Variants in OTUD3 observed in about 807,000 individuals in gnomAD.
The protein encoded by OTUD3 is OTU deubiquitinase 3, also known as OTU domain-containing protein 3.
OTUD3 carries 24 observed loss-of-function variants against 46.2 expected under a neutral mutation model. That is an observed-to-expected ratio of 0.52 (90% CI 0.38 to 0.73). The LOEUF is 0.73. OTUD3 is among the 30% of genes least tolerant of loss of function. The pLI is 0.00. For synonymous variants in OTUD3, 189 were observed against 195.4 expected, an observed-to-expected ratio of 0.97 and a Z score of 0.27; for missense variants, 455 against 523.3, an observed-to-expected ratio of 0.87 and a Z score of 1.27.
chr1:19,907,907 G>C lies in OTUD3; in HGVS notation c.*161G>C. ...TTTCGTTCAAGCTGCCTCTTTTTTT[G>C]TTCGAAGTTTTATTAGTGATATGTT... On this transcript the variant is annotated 3_prime_UTR_variant, in exon 8 of 8. Transcript: ENST00000375120. 1 of 566,772 alleles carries C rather than the reference G, an allele frequency of 1.8e-6. No individual in the cohort carries two copies. The highest frequency in any genetic ancestry group is 3.0e-6 in the Non-Finnish European group (1 of 333,192). The allele number at this position is 566,772 out of a possible 1,614,324, so 35.1% of individuals were successfully genotyped here. A position where few individuals can be genotyped will look rare whatever the true frequency, so the allele number is the denominator to read the frequency against.
Position 19,912,650 on chromosome 1 carries a change from C to CG in OTUD3, c.*4904_*4905insG, listed in dbSNP as rs1557685812. 8.5e-5 allele frequency: 13 copies of CG among 152,370 alleles called. No individual in the cohort carries two copies. Among genetic ancestry groups the CG allele is most frequent in the Non-Finnish European group, 1.5e-4 (10 of 68,050 alleles). 9.4% of individuals were successfully genotyped at this position (152,370 alleles called of 1,614,324 possible). A position where few individuals can be genotyped will look rare whatever the true frequency, so the allele number is the denominator to read the frequency against. ...CCTCCATGGGGTCGTGATCCATAGA[C>CG]TTAGCAAGTCTTGCCTTATCTATGG... is the stretch of plus-strand genomic sequence containing the variant. On this transcript the variant is annotated 3_prime_UTR_variant, in exon 8 of 8. Transcript: ENST00000375120.
Position 19,894,004 on chromosome 1 carries a change from A to G in OTUD3, c.371-364A>G, listed in dbSNP as rs551611120. Among the ~76,000 whole-genome samples the G allele has an allele frequency of 1.3e-4, 20 of 152,360 alleles. No individual in the cohort carries two copies. The South Asian group carries it at 3.9e-3, about 30-fold the overall frequency. On this transcript the variant is annotated intron_variant, in intron 2 of 7. Coordinates refer to ENST00000375120, the MANE Select transcript of OTUD3 (RefSeq NM_015207.2). ...ATGGTTTGTATAATAGTACTTGTCT[A>G]TGAGATGTGATTAGATCAGTGCTTG... is the stretch of plus-strand genomic sequence containing the variant.
rs915475852 is a variant in OTUD3, at chr1:19,906,580, T to C, written c.984T>C (p.Ser328=). Residue 328 remains serine, a synonymous_variant, in exon 7 of 8, where the codon AGT becomes AGC. Transcript: ENST00000375120. ...ACAATAAGGCACAGGCCAGCCCTAGTGAAGAAAACAAAGCAAATAAAAACC... is the reference window on the plus strand; with the variant it reads ...ACAATAAGGCACAGGCCAGCCCTAGCGAAGAAAACAAAGCAAATAAAAACC... ...TENNKAQASP[S]EENKANKNQL... is the part of the protein sequence containing the mutation. The C allele has an allele frequency of 6.2e-7, 1 of 1,612,914 alleles. No individual in the cohort carries two copies. Among genetic ancestry groups the C allele is most frequent in the Non-Finnish European group, 8.5e-7 (1 of 1,179,820 alleles).
chr1:19,903,340 C>T (rs1197746615), intron 4 of OTUD3, among the ~76,000 whole-genome samples: 1 of 152,128 alleles, frequency 6.6e-6, no homozygotes, highest in Non-Finnish European at 1.5e-5. Context: ...GTGTGAGCCA[C>T]TGCACCAGGC....
intron 1 of OTUD3, among the ~76,000 whole-genome samples, chr1:19,886,851 C>G (rs914115172): frequency 6.6e-6 from 1 of 152,184 alleles, no homozygotes; most frequent in African/African-American, 2.4e-5. Context: ...GATGCTGATG[C>G]TCCTAGTCCG....
At chr1:19,905,778 C>T (rs1349439843) in intron 6 of OTUD3, among the ~76,000 whole-genome samples, 1 of 152,108 alleles carries the variant, frequency 6.6e-6, no homozygotes. Context: ...TTATTAATTT[C>T]TCAAGTCATT....
Position 19,904,272 on chromosome 1 carries a change from G to C in OTUD3, c.612G>C (p.Gln204His). ...TTATTACTTGTTTCCTTTAGTTTCA[G>C]ATGCTTCATCAAGATGAATCAAATA... ...EAPAHLQTDF[Q>H]MLHQDESNKR... The change falls in exon 5 of 8, where the codon CAG (glutamine) becomes CAC (histidine). Residue 204 changes from glutamine to histidine, a missense_variant. Gln to His is a conservative substitution (Grantham distance 24). Transcript: ENST00000375120. 6.3e-7 allele frequency: 1 copy of C among 1,597,392 alleles called. No homozygotes were observed. Among genetic ancestry groups the C allele is most frequent in the South Asian group, 1.1e-5 (1 of 88,000 alleles).
In OTUD3 at chr1:19,908,990, C is replaced by T. The variant is rs968547298; in HGVS notation, c.*1244C>T. The T allele has an allele frequency of 5.2e-5, 8 of 152,450 alleles. No individual in the cohort carries two copies. Among genetic ancestry groups the T allele is most frequent in the Middle Eastern group, 3.4e-3 (1 of 294 alleles). The allele number at this position is 152,450 out of a possible 1,614,324, so 9.4% of individuals were successfully genotyped here. On this transcript the variant is annotated 3_prime_UTR_variant, in exon 8 of 8. Transcript: ENST00000375120. ...TAGACAGACTTGAGCAGTGGAGAGA[C>T]GTCTTTCCTAAAACTGAGTTAGGTG...
chr1:19,896,086 A>G (rs1379216255), intron 3 of OTUD3, among the ~76,000 whole-genome samples: 1 of 152,050 alleles, frequency 6.6e-6, no homozygotes, highest in East Asian at 1.9e-4. Context: ...GGATCCCCCT[A>G]TGTCTTCCTA....
chr1:19,907,587 G>C lies in OTUD3; in HGVS notation c.1038G>C (p.Arg346Ser). ...TCTCTCAGGTCACAAACAAACAGAG[G>C]CGAGAACAGCAGTGGATGGAGAAGA... ...NQLAKVTNKQRREQQWMEKKK... is the reference protein window; with the variant it reads ...NQLAKVTNKQSREQQWMEKKK... The change falls in exon 8 of 8, where the codon AGG (arginine) becomes AGC (serine). Residue 346 changes from arginine (R) to serine (S), a missense_variant. Transcript: ENST00000375120. The C allele has an allele frequency of 6.2e-7, 1 of 1,614,058 alleles. No individual in the cohort carries two copies. Among genetic ancestry groups the C allele is most frequent in the Non-Finnish European group, 8.5e-7 (1 of 1,179,996 alleles).
chr1:19,887,755 A>C (rs141873757), intron 1 of OTUD3, among the ~76,000 whole-genome samples: 283 of 152,304 alleles, frequency 1.9e-3, no homozygotes, highest in Admixed American at 4.3e-3. Context: ...GTAGTTCTTC[A>C]TATTGTATTA....
intron 6 of OTUD3, among the ~76,000 whole-genome samples, chr1:19,905,365 T>C (rs1334134321): frequency 6.6e-6 from 1 of 152,116 alleles, no homozygotes; most frequent in East Asian, 1.9e-4. Context: ...GGTGGAAATA[T>C]TTAGATTTGT....
At chr1:19,893,767 A>G (rs980080042) in intron 2 of OTUD3, among the ~76,000 whole-genome samples, 3 of 152,214 alleles carry the variant, frequency 2.0e-5, no homozygotes, top group Non-Finnish European at 4.4e-5. Flanking sequence ...CTTACTGCAC[A>G]TGCCCTTCCT....
intron 1 of OTUD3, among the ~76,000 whole-genome samples, chr1:19,883,280 T>G (rs1313454481): frequency 6.6e-6 from 1 of 152,222 alleles, no homozygotes; most frequent in Admixed American, 6.5e-5. Flanking sequence ...GGCCTCAGTT[T>G]CTCTGTAAGC....
At position 19,908,370 on chromosome 1, in the gene OTUD3, T is replaced by C. The variant is rs2045691657; in HGVS notation, c.*624T>C. 1.3e-5 allele frequency: 2 copies of C among 152,390 alleles called. No homozygotes were observed. The highest frequency in any genetic ancestry group is 4.1e-4 in the South Asian group (2 of 4,834). 9.4% of individuals were successfully genotyped at this position (152,390 alleles called of 1,614,324 possible). Reference sequence around the variant, plus strand: ...TCTCTCCTTCCTGATTCTGATGTTATTTCAGATGGGATGCAGGTGCTGTTA... The same window carrying C: ...TCTCTCCTTCCTGATTCTGATGTTACTTCAGATGGGATGCAGGTGCTGTTA... On this transcript the variant is annotated 3_prime_UTR_variant, in exon 8 of 8. Transcript: ENST00000375120.
intron 7 of OTUD3, among the ~76,000 whole-genome samples, chr1:19,907,249 T>C (rs1300501152): frequency 1.3e-5 from 2 of 152,234 alleles, no homozygotes; most frequent in African/African-American, 4.8e-5. Context: ...CTGAGGATTT[T>C]GTCAGAATTA....
intron 2 of OTUD3, among the ~76,000 whole-genome samples, chr1:19,890,884 C>G (rs2045437035): frequency 6.6e-6 from 1 of 152,130 alleles, no homozygotes; most frequent in Non-Finnish European, 1.5e-5. Context: ...TGGAAAGATA[C>G]TAACATTTTG....
Position 19,911,990 on chromosome 1 carries a change from T to G in OTUD3, c.*4244T>G, listed in dbSNP as rs1420302105. On this transcript the variant is annotated 3_prime_UTR_variant, in exon 8 of 8. Transcript: ENST00000375120. Reference sequence around the variant, plus strand: ...TGCTTTGTAGAGTCCCTCTCTTTACTGTCCTCGTTAGGACTGTTTTGTGGT... The same window carrying G: ...TGCTTTGTAGAGTCCCTCTCTTTACGGTCCTCGTTAGGACTGTTTTGTGGT... 1 of 152,414 alleles carries G rather than the reference T, an allele frequency of 6.6e-6. No individual in the cohort carries two copies. The highest frequency in any genetic ancestry group is 1.5e-5 in the Non-Finnish European group (1 of 68,052). 9.4% of individuals were successfully genotyped at this position (152,414 alleles called of 1,614,324 possible).
chr1:19,894,541 T>G (rs1372110115), intron 3 of OTUD3, 61 bp downstream of exon 3: 2 of 1,016,656 alleles, frequency 2.0e-6, no homozygotes, highest in Non-Finnish European at 3.0e-6. Context: ...TTTGGGAATA[T>G]CCGAAGATGA....
Sources: allele counts gnomAD v4.1 joint callset (sites outside exome capture counted in the v4.1 genomes callset), GRCh38; gene constraint gnomAD v4.1.1; transcripts MANE v1.5; gene names NCBI Gene and HGNC (gene_info 2026-07-23, HGNC 2026-07-21).